Variants in EPB41L2 observed in about 807,000 individuals in gnomAD.
EPB41L2 encodes erythrocyte membrane protein band 4.1 like 2.
EPB41L2 carries 43 observed loss-of-function variants against 113.0 expected under a neutral mutation model. That is an observed-to-expected ratio of 0.38 (90% CI 0.30 to 0.49). EPB41L2 has a LOEUF of 0.49. EPB41L2 is among the 20% of genes least tolerant of loss of function. The pLI is 0.95. For synonymous variants in EPB41L2, 442 were observed against 436.7 expected, an observed-to-expected ratio of 1.01 and a Z score of -0.15; for missense variants, 1,147 against 1,223.4, an observed-to-expected ratio of 0.94 and a Z score of 0.93.
intron 1 of EPB41L2, among the ~76,000 whole-genome samples, chr6:130,988,517 A>C (rs555611098): frequency 6.6e-6 from 1 of 152,318 alleles, no homozygotes; most frequent in African/African-American, 2.4e-5. Flanking sequence ...AAATAGAGGA[A>C]AAGCACCTTA....
intron 1 of EPB41L2, among the ~76,000 whole-genome samples, chr6:130,984,782 CTT>C (rs1197406453): frequency 6.6e-6 from 1 of 152,182 alleles, no homozygotes; most frequent in African/African-American, 2.4e-5. Context: ...CTAGATCACA[CTT>C]ATCCTTTCTA....
At chr6:131,062,989 CT>C in intron 1 of EPB41L2, among the ~76,000 whole-genome samples, 165 bp downstream of exon 1, 1 of 152,100 alleles carries the variant, frequency 6.6e-6, no homozygotes, top group Non-Finnish European at 1.5e-5. Context: ...GCCGGGCCCC[CT>C]CTCCCCGCCC....
At chr6:131,031,725 TC>T (rs1208726103) in intron 1 of EPB41L2, among the ~76,000 whole-genome samples, 5 of 152,154 alleles carry the variant, frequency 3.3e-5, no homozygotes, top group African/African-American at 1.2e-4. Flanking sequence ...ATAAAATGAA[TC>T]TTTTGACCAT....
chr6:130,862,258 G>A (rs572007945), intron 18 of EPB41L2, among the ~76,000 whole-genome samples: 16 of 152,086 alleles, frequency 1.1e-4, no homozygotes, highest in African/African-American at 3.9e-4. Flanking sequence ...TACTGGAAAG[G>A]TGGCATTTTA....
chr6:130,896,404 A>G (rs1562423185), intron 8 of EPB41L2, among the ~76,000 whole-genome samples: 1 of 152,206 alleles, frequency 6.6e-6, no homozygotes, highest in Non-Finnish European at 1.5e-5. Context: ...TTGGCACCAG[A>G]CCCCATGGTG....
At chr6:130,980,403 G>A (rs548341457) in intron 1 of EPB41L2, among the ~76,000 whole-genome samples, 18 of 152,214 alleles carry the variant, frequency 1.2e-4, no homozygotes, top group Non-Finnish European at 2.2e-4. Flanking sequence ...TGAATGGCAT[G>A]TAGTTCAAAA....
intron 1 of EPB41L2, chr6:130,978,799 G>A (rs529144198): frequency 6.6e-6 from 1 of 152,290 alleles, no homozygotes; most frequent in East Asian, 1.9e-4. Flanking sequence ...AGCTATAATG[G>A]AAGCATAAAC....
chr6:131,029,059 A>G (rs1791488000), intron 1 of EPB41L2, among the ~76,000 whole-genome samples: 1 of 152,200 alleles, frequency 6.6e-6, no homozygotes. Flanking sequence ...TGCTTCTATC[A>G]AATAGCAAAC....
intron 3 of EPB41L2, among the ~76,000 whole-genome samples, chr6:130,936,080 T>G (rs1808686926): frequency 6.6e-6 from 1 of 152,264 alleles, no homozygotes; most frequent in Admixed American, 6.5e-5. Context: ...AGTTCTAGTA[T>G]GTCAGTTGCT....
intron 15 of EPB41L2, 123 bp from the exon 16 acceptor site, chr6:130,867,704 A>G (rs764659322): frequency 7.7e-7 from 1 of 1,301,058 alleles, no homozygotes; most frequent in South Asian, 1.3e-5. Context: ...AAAAGAAAAG[A>G]GTAAAAGCAA....
intron 1 of EPB41L2, among the ~76,000 whole-genome samples, chr6:130,979,491 T>A (rs111294320): frequency 0.039 from 2,598 of 66,302 alleles, 60 homozygotes; most frequent in African/African-American, 0.13. Flanking sequence ...CGAGACTCTG[T>A]CAAAAAAAAA....
rs888125851 is a variant in EPB41L2, at chr6:130,845,662, T to G, written c.*6-5064A>C. On this transcript the variant is annotated intron_variant, in intron 19 of 19. Coordinates refer to ENST00000337057, the MANE Select transcript of EPB41L2 (RefSeq NM_001431.4). Reference sequence around the variant, plus strand: ...TCCCAACGTGTTCGGATTACAGGCGTGAGCCACCAGGCCTGGCCTGGCACC... The same window carrying G: ...TCCCAACGTGTTCGGATTACAGGCGGGAGCCACCAGGCCTGGCCTGGCACC... Among the ~76,000 whole-genome samples, 79 of 152,330 alleles carry G rather than the reference T, an allele frequency of 5.2e-4. 1 individual carries two copies. Among genetic ancestry groups the G allele is most frequent in the African/African-American group, 1.9e-3 (79 of 41,574 alleles).
rs538441840 is a variant in EPB41L2, at chr6:130,934,343, C to T, written c.706-7634G>A. ...AGTAAAGGAAGATTCTTAAGAAAAG[C>T]TTCCCTGATCATTAGTAAGAATTAA... On this transcript the variant is annotated intron_variant, in intron 3 of 19. Transcript: ENST00000337057. 5.9e-5 allele frequency among the ~76,000 whole-genome samples: 9 copies of T among 152,226 alleles called. No homozygotes were observed. In the South Asian group the frequency reaches 1.9e-3, roughly 32 times the overall value.
chr6:130,861,003 C>CA (rs1163256166), intron 18 of EPB41L2, among the ~76,000 whole-genome samples: 1 of 152,104 alleles, frequency 6.6e-6, no homozygotes, highest in Non-Finnish European at 1.5e-5. Context: ...TTTGCCAACA[C>CA]AAAAAAGATT....
chr6:130,992,182 ACT>A (rs1019395255), intron 1 of EPB41L2, among the ~76,000 whole-genome samples: 9 of 152,306 alleles, frequency 5.9e-5, no homozygotes, highest in African/African-American at 2.2e-4. Context: ...AAAGATTCAC[ACT>A]CACACATTTG....
intron 1 of EPB41L2, among the ~76,000 whole-genome samples, chr6:130,987,587 G>A (rs754203431): frequency 3.7e-4 from 56 of 152,192 alleles, no homozygotes; most frequent in African/African-American, 1.3e-3. Flanking sequence ...CAGCTACTCC[G>A]GAGGCTGAGG....
chr6:130,840,623 A>AG (rs929292725), intron 19 of EPB41L2, 25 bp from the exon 20 acceptor site: 4 of 150,804 alleles, frequency 2.7e-5, no homozygotes, highest in African/African-American at 9.8e-5. Context: ...AAAAAAAAAA[A>AG]CAGAAGGCTT....
At chr6:130,900,346 A>G (rs1170813261) in intron 7 of EPB41L2, among the ~76,000 whole-genome samples, 2 of 152,242 alleles carry the variant, frequency 1.3e-5, no homozygotes, top group African/African-American at 4.8e-5. Context: ...TGCAATATAG[A>G]ACAAATTATC....
intron 1 of EPB41L2, among the ~76,000 whole-genome samples, chr6:131,042,268 G>A (rs534488706): frequency 3.9e-5 from 6 of 152,190 alleles, no homozygotes; most frequent in East Asian, 1.9e-4. Context: ...CTAGCAAAAT[G>A]AGTACCAGCC....
Sources: allele counts gnomAD v4.1 joint callset (sites outside exome capture counted in the v4.1 genomes callset), GRCh38; gene constraint gnomAD v4.1.1; transcripts MANE v1.5; gene names NCBI Gene and HGNC (gene_info 2026-07-23, HGNC 2026-07-21).